The following SERPINA5 variants were observed in gnomAD, a reference collection of about 807,000 sequenced individuals.
The protein encoded by SERPINA5 is serpin family A member 5, also known as plasma serine protease inhibitor.
A neutral mutation model predicts 25.3 loss-of-function variants in SERPINA5; 25 were observed. The ratio of observed to expected loss-of-function variants is 0.99; its 90% CI spans 0.72 to 1.38. The LOEUF is 1.38. SERPINA5 is among the 40% of genes most tolerant of loss of function. SERPINA5 has a pLI of 0.00. For missense variants in SERPINA5, 599 were observed against 509.5 expected (o/e 1.18, Z -1.69); for synonymous variants, 234 against 206.2 (o/e 1.14, Z -1.16).
intron 2 of SERPINA5, among the ~76,000 whole-genome samples, chr14:94,583,532 T>G (rs1273159047): frequency 6.6e-6 from 1 of 152,208 alleles, no homozygotes; most frequent in Non-Finnish European, 1.5e-5. Context: ...CTTTTTGTAA[T>G]TAGAAGATAT....
At chr14:94,583,304 T>TGGGGGG (rs1884973595) in intron 2 of SERPINA5, among the ~76,000 whole-genome samples, 1 of 152,074 alleles carries the variant, frequency 6.6e-6, no homozygotes, top group African/African-American at 2.4e-5. Context: ...CTGGGGGAGA[T>TGGGGGG]GAAGGGAGCT....
At chr14:94,589,283 C>T (rs1885197872) in intron 3 of SERPINA5, among the ~76,000 whole-genome samples, 1 of 151,720 alleles carries the variant, frequency 6.6e-6, no homozygotes, top group Admixed American at 6.6e-5. Context: ...CCCGTCTCTA[C>T]TAAAAAATAC....
chr14:94,588,078 G>T, intron 3 of SERPINA5, 97 bp downstream of exon 3: 1 of 1,470,314 alleles, frequency 6.8e-7, no homozygotes, highest in East Asian at 2.3e-5. Context: ...AAGACGGGGA[G>T]TACGTTAAGT....
rs540885420 is a variant in SERPINA5 at position 94,592,293 on chromosome 14, A to C, written c.*54A>C. Reference sequence around the variant, plus strand: ...CTCAGGGTGGGAGATGAAGGGGGCTAAGCTATGGCCCATCTGTATGCTGGT... The same window carrying C: ...CTCAGGGTGGGAGATGAAGGGGGCTCAGCTATGGCCCATCTGTATGCTGGT... On this transcript the variant is annotated 3_prime_UTR_variant, in exon 6 of 6. Transcript: ENST00000329597. 41 of 1,543,038 alleles carry C rather than the reference A, an allele frequency of 2.7e-5. No individual in the cohort carries two copies. The East Asian group carries it at 8.1e-4, about 31-fold the overall frequency.
chr14:94,587,832 C>G lies in SERPINA5; in HGVS notation c.470C>G (p.Thr157Ser), dbSNP rs1555384611. 20 of 1,613,974 alleles carry G rather than the reference C, an allele frequency of 1.2e-5. No homozygotes were observed. The highest frequency in any genetic ancestry group is 1.7e-5 in the Non-Finnish European group (20 of 1,179,832). ...SAMKTLYLAD[T>S]FPTNFRDSAG... Reference sequence around the variant, plus strand: ...ATGAAGACGCTGTACCTGGCAGACACTTTCCCTACCAACTTTAGGGACTCT... The same window carrying G: ...ATGAAGACGCTGTACCTGGCAGACAGTTTCCCTACCAACTTTAGGGACTCT... Residue 157 changes from threonine (T) to serine (S), a missense_variant, in exon 3 of 6, where the codon ACT becomes AGT. Transcript: ENST00000329597.
intron 5 of SERPINA5, among the ~76,000 whole-genome samples, chr14:94,591,437 T>C (rs1321606880): frequency 6.6e-6 from 1 of 150,596 alleles, no homozygotes; most frequent in Non-Finnish European, 1.5e-5. Context: ...TTCTATTCCA[T>C]TCCATTGCAG....
At chr14:94,591,584 A>ATTCTATTCTATTCTATTCTAT (rs1566839368) in intron 5 of SERPINA5, among the ~76,000 whole-genome samples, 3 of 149,826 alleles carry the variant, frequency 2.0e-5, no homozygotes, top group Admixed American at 6.7e-5. Flanking sequence ...ATTCTATTCT[A>ATTCTATTCTATTCTATTCTAT]TTCTATTCTA....
rs1555384916 is a variant in SERPINA5 at position 94,591,564 on chromosome 14, A to ATTCTATTCTATTCTATTC, written c.1039-491_1039-474dup. On this transcript the variant is annotated intron_variant, in intron 5 of 5. Coordinates refer to ENST00000329597, the MANE Select transcript of SERPINA5 (RefSeq NM_000624.6). The stretch of plus-strand genomic sequence containing the variant: ...ATTCTGTTCTGTTCTATTCTATTCT[A>ATTCTATTCTATTCTATTC]TTCTATTCTATTCTATTCTATTCTA... Among the ~76,000 whole-genome samples the ATTCTATTCTATTCTATTC allele has an allele frequency of 3.5e-5, 5 of 144,490 alleles. No homozygotes were observed. In the East Asian group the frequency reaches 6.2e-4, roughly 18 times the overall value. 94.8% of individuals were successfully genotyped at this position (144,490 alleles called of 152,430 possible).
intron 4 of SERPINA5, 131 bp downstream of exon 4, chr14:94,590,442 C>A: frequency 1.8e-6 from 2 of 1,135,276 alleles, no homozygotes; most frequent in Non-Finnish European, 2.4e-6. Flanking sequence ...GGCCCAGAGG[C>A]ATCCTGTGAC....
In SERPINA5 at chr14:94,590,297, G is replaced by C. The variant is rs766778948; in HGVS notation, c.876G>C (p.Lys292Asn). The change falls in exon 4 of 6, where the codon AAG becomes AAC. Residue 292 changes from lysine (K) to asparagine (N), a missense_variant. Coordinates refer to ENST00000329597, the MANE Select transcript of SERPINA5 (RefSeq NM_000624.6). ...LSEKTLRKWL[K>N]MFKKRQLELY... Reference sequence around the variant, plus strand: ...AGAAAACGCTGAGGAAGTGGCTTAAGATGTTCAAAAAGAGGTACTTTCAGA... The same window carrying C: ...AGAAAACGCTGAGGAAGTGGCTTAACATGTTCAAAAAGAGGTACTTTCAGA... The C allele has an allele frequency of 3.1e-6, 5 of 1,601,384 alleles. No individual in the cohort carries two copies. The Admixed American group carries it at 8.4e-5, about 27-fold the overall frequency.
rs1274461599 is a variant in SERPINA5, at chr14:94,587,370, T to G, written c.8T>G (p.Leu3Arg). 1.9e-6 allele frequency: 3 copies of G among 1,606,730 alleles called. No individual in the cohort carries two copies. The highest frequency in any genetic ancestry group is 2.5e-6 in the Non-Finnish European group (3 of 1,177,238). Residue 3 changes from leucine to arginine, a missense_variant, in exon 3 of 6, where the codon CTC (leucine) becomes CGC (arginine). Transcript: ENST00000329597. MQ[L>R]FLLLCLVLLS... ...GAACAAAGAACAGCCACCATGCAGC[T>G]CTTCCTCCTCTTGTGCCTGGTGCTT...
At position 94,592,180 on chromosome 14, in the gene SERPINA5, T is replaced by C. The variant is rs1483613426; in HGVS notation, c.1162T>C (p.Phe388Leu). The C allele has an allele frequency of 1.9e-6, 3 of 1,614,084 alleles. No homozygotes were observed. The highest frequency in any genetic ancestry group is 2.7e-5 in the African/African-American group (2 of 74,938). Residue 388 changes from phenylalanine (F) to leucine (L), a missense_variant, in exon 6 of 6, where the codon TTT (phenylalanine) becomes CTT (leucine). Coordinates refer to ENST00000329597, the MANE Select transcript of SERPINA5 (RefSeq NM_000624.6). ...TCAGAGGCTAGTGTTCAACAGGCCC[T>C]TTCTGATGTTCATTGTGGATAACAA... ...NSQRLVFNRP[F>L]LMFIVDNNIL...
intron 5 of SERPINA5, 33 bp from the exon 6 acceptor site, chr14:94,592,024 G>T (rs967216690): frequency 1.9e-6 from 3 of 1,594,102 alleles, no homozygotes; most frequent in African/African-American, 2.7e-5. Context: ...CCTGCCCCTA[G>T]TGGCCTGGTG....
rs552463532 is a variant in SERPINA5, at chr14:94,590,610, C to T, written c.891-139C>T. 5.9e-6 allele frequency: 6 copies of T among 1,018,898 alleles called. No homozygotes were observed. In the African/African-American group the frequency reaches 8.1e-5, roughly 14 times the overall value. The allele number at this position is 1,018,898 out of a possible 1,614,324, so 63.1% of individuals were successfully genotyped here. ...AGAAAAGAGGCCAGAGGAGCCATAACCACCATTGTTCCTTGGGTTAAGGAG... is the reference window on the plus strand; with the variant it reads ...AGAAAAGAGGCCAGAGGAGCCATAATCACCATTGTTCCTTGGGTTAAGGAG... On this transcript the variant is annotated intron_variant, in intron 4 of 5. Transcript: ENST00000329597.
At chr14:94,589,690 G>A (rs1885212506) in intron 3 of SERPINA5, among the ~76,000 whole-genome samples, 2 of 152,188 alleles carry the variant, frequency 1.3e-5, no homozygotes, top group South Asian at 2.1e-4. Context: ...ATATCAGGTA[G>A]CATTCACAGC....
At chr14:94,588,877 A>G (rs1885182802) in intron 3 of SERPINA5, among the ~76,000 whole-genome samples, 1 of 152,134 alleles carries the variant, frequency 6.6e-6, no homozygotes, top group African/African-American at 2.4e-5. Context: ...CTCTTTTGTA[A>G]GGACACCGAT....
rs771082425 is a variant in SERPINA5, at chr14:94,592,098, C to A, written c.1080C>A (p.Thr360=). ...TGGTGGAGGTGGACGAGTCGGGAAC[C>A]AGAGCAGCGGCAGCCACGGGGACAA... ...KAVVEVDESG[T]RAAAATGTIF... The change falls in exon 6 of 6, where the codon ACC becomes ACA. Residue 360 remains threonine, a synonymous_variant. Transcript: ENST00000329597. 6.2e-7 allele frequency: 1 copy of A among 1,614,002 alleles called. No individual in the cohort carries two copies. Among genetic ancestry groups the A allele is most frequent in the Non-Finnish European group, 8.5e-7 (1 of 1,179,904 alleles).
chr14:94,585,636 T>G (rs1358971703), intron 2 of SERPINA5, among the ~76,000 whole-genome samples: 1 of 152,152 alleles, frequency 6.6e-6, no homozygotes, highest in African/African-American at 2.4e-5. Flanking sequence ...GATGACATTG[T>G]GCCCATGGAG....
chr14:94,588,742 C>G (rs1242374392), intron 3 of SERPINA5, among the ~76,000 whole-genome samples: 4 of 152,168 alleles, frequency 2.6e-5, no homozygotes, highest in Non-Finnish European at 5.9e-5. Context: ...ATATATTTCT[C>G]ATAGTTCTGG....
Sources: allele counts gnomAD v4.1 joint callset (sites outside exome capture counted in the v4.1 genomes callset), GRCh38; gene constraint gnomAD v4.1.1; transcripts MANE v1.5; gene names NCBI Gene and HGNC (gene_info 2026-07-23, HGNC 2026-07-21).